Variants in ANXA10 observed in about 807,000 individuals in gnomAD.
ANXA10 encodes the protein annexin A10.
Under a neutral mutation model 53.5 loss-of-function variants are expected in ANXA10, and 49 were observed. The observed-to-expected ratio is 0.92, with a 90% CI of 0.73 to 1.16. The LOEUF (loss-of-function observed/expected upper bound fraction) is 1.16. ANXA10 is among the 50% of genes most tolerant of loss of function. The pLI, the probability that ANXA10 is intolerant of heterozygous loss-of-function variation, is 0.00. For synonymous variants in ANXA10, 131 were observed against 128.9 expected, an observed-to-expected ratio of 1.02 and a Z score of -0.11; for missense variants, 393 against 394.4, an observed-to-expected ratio of 1.00 and a Z score of 0.03.
At position 168,166,199 on chromosome 4, in the gene ANXA10, T is replaced by C. The variant is rs111226967; in HGVS notation, c.480+873T>C. ...TATGATTGTCTGAAGAGCTAATAAG[T>C]AGAAATCCAGAATTTGATTGAATGC... On this transcript the variant is annotated intron_variant, in intron 6 of 11. Coordinates refer to ENST00000359299, the MANE Select transcript of ANXA10 (RefSeq NM_007193.5). 6.4e-3 allele frequency among the ~76,000 whole-genome samples: 974 copies of C among 152,260 alleles called. 8 individuals carry two copies. The highest frequency in any genetic ancestry group is 0.037 in the Middle Eastern group (11 of 294).
chr4:168,107,258 G>A (rs1393649954), intron 1 of ANXA10, among the ~76,000 whole-genome samples: 1 of 152,130 alleles, frequency 6.6e-6, no homozygotes, highest in Non-Finnish European at 1.5e-5. Context: ...ATAAAAGGGG[G>A]CAACAGAGTA....
At chr4:168,119,252 G>C (rs1304916295) in intron 1 of ANXA10, among the ~76,000 whole-genome samples, 2 of 152,124 alleles carry the variant, frequency 1.3e-5, no homozygotes, top group Admixed American at 1.3e-4. Context: ...CAGGAAATGA[G>C]GTGGAACCTC....
intron 2 of ANXA10, among the ~76,000 whole-genome samples, chr4:168,135,886 C>A (rs140249521): frequency 1.6e-3 from 238 of 152,264 alleles, no homozygotes; most frequent in African/African-American, 5.2e-3. Context: ...CTACCTGAGA[C>A]TACATAATTT....
intron 3 of ANXA10, among the ~76,000 whole-genome samples, chr4:168,151,183 A>C (rs1731490176): frequency 6.6e-6 from 1 of 152,186 alleles, no homozygotes; most frequent in Non-Finnish European, 1.5e-5. Flanking sequence ...AATTAAGATA[A>C]ATTCTAAATT....
At chr4:168,144,344 G>A (rs1314998774) in intron 3 of ANXA10, among the ~76,000 whole-genome samples, 2 of 152,008 alleles carry the variant, frequency 1.3e-5, no homozygotes, top group South Asian at 2.1e-4. Flanking sequence ...GTGCAACCAC[G>A]CCCAGCTAAT....
chr4:168,110,348 T>C (rs1730788075), intron 1 of ANXA10, among the ~76,000 whole-genome samples: 1 of 152,150 alleles, frequency 6.6e-6, no homozygotes, highest in South Asian at 2.1e-4. Context: ...GGTTTAGTTA[T>C]AGCTAGATGT....
chr4:168,163,743 C>G (rs1331239665), intron 4 of ANXA10, among the ~76,000 whole-genome samples: 3 of 152,090 alleles, frequency 2.0e-5, no homozygotes, highest in Non-Finnish European at 4.4e-5. Flanking sequence ...AATATTTATG[C>G]AAATTGTACA....
At chr4:168,125,259 A>T (rs1731050077) in intron 1 of ANXA10, among the ~76,000 whole-genome samples, 1 of 152,156 alleles carries the variant, frequency 6.6e-6, no homozygotes, top group Admixed American at 6.5e-5. Flanking sequence ...CATGAACGGA[A>T]ATCCTAAGAT....
At position 168,187,667 on chromosome 4, in the gene ANXA10, G is replaced by A. The variant is rs1049045807; in HGVS notation, c.*233G>A. ...TATCTAATCAGCAATTAAATAAATTGTGCATGATGGAATAATAGAAAAATT... is the reference window on the plus strand; with the variant it reads ...TATCTAATCAGCAATTAAATAAATTATGCATGATGGAATAATAGAAAAATT... On this transcript the variant is annotated 3_prime_UTR_variant, in exon 12 of 12. Coordinates refer to ENST00000359299, the MANE Select transcript of ANXA10 (RefSeq NM_007193.5). 2.2e-5 allele frequency: 7 copies of A among 324,994 alleles called. No individual in the cohort carries two copies. Among genetic ancestry groups the A allele is most frequent in the Admixed American group, 9.8e-5 (2 of 20,448 alleles). The allele number at this position is 324,994 out of a possible 1,614,324, so 20.1% of individuals were successfully genotyped here. A position where few individuals can be genotyped will look rare whatever the true frequency, so the allele number is the denominator to read the frequency against.
chr4:168,136,075 C>A (rs748334086), intron 2 of ANXA10, among the ~76,000 whole-genome samples: 3 of 152,040 alleles, frequency 2.0e-5, no homozygotes, highest in Non-Finnish European at 4.4e-5. Flanking sequence ...TTTAAACAAC[C>A]AGATCTCATG....
chr4:168,128,004 A>T, intron 1 of ANXA10, 80 bp from the exon 2 acceptor site: 8 of 1,279,160 alleles, frequency 6.3e-6, no homozygotes, highest in Non-Finnish European at 5.7e-6. Context: ...GATTACAGGT[A>T]TGAGCCACTG....
At chr4:168,127,255 A>C (rs1731083999) in intron 1 of ANXA10, among the ~76,000 whole-genome samples, 1 of 152,182 alleles carries the variant, frequency 6.6e-6, no homozygotes, top group Admixed American at 6.5e-5. Context: ...CTACCATTTT[A>C]TAATTGTCAA....
intron 3 of ANXA10, among the ~76,000 whole-genome samples, chr4:168,161,466 T>C (rs973498138): frequency 6.6e-6 from 1 of 152,188 alleles, no homozygotes; most frequent in Non-Finnish European, 1.5e-5. Flanking sequence ...ACTGTAGCCT[T>C]GTATTATAGT....
At chr4:168,095,470 A>C (rs1197181870) in intron 1 of ANXA10, among the ~76,000 whole-genome samples, 1 of 152,016 alleles carries the variant, frequency 6.6e-6, no homozygotes, top group Non-Finnish European at 1.5e-5. Context: ...TTGATATCAT[A>C]TTTCTTACCT....
rs981006548 is a variant in ANXA10 at position 168,187,533 on chromosome 4, A to G, written c.*99A>G. On this transcript the variant is annotated 3_prime_UTR_variant, in exon 12 of 12. Coordinates refer to ENST00000359299, the MANE Select transcript of ANXA10 (RefSeq NM_007193.5). ...TACTGTTCATGGCACTATTAACAAA[A>G]CTATACAATCATATTTTCTCTTCTA... 2 of 651,244 alleles carry G rather than the reference A, an allele frequency of 3.1e-6. No individual in the cohort carries two copies. The highest frequency in any genetic ancestry group is 4.9e-6 in the Non-Finnish European group (2 of 405,690). 40.3% of individuals were successfully genotyped at this position (651,244 alleles called of 1,614,324 possible).
intron 6 of ANXA10, among the ~76,000 whole-genome samples, chr4:168,171,001 C>A (rs1190144272): frequency 1.3e-5 from 2 of 152,098 alleles, no homozygotes; most frequent in African/African-American, 4.8e-5. Flanking sequence ...TTTCTATTGG[C>A]TTCTCACTTC....
intron 1 of ANXA10, among the ~76,000 whole-genome samples, chr4:168,122,249 T>A (rs2149468627): frequency 6.6e-6 from 1 of 152,344 alleles, no homozygotes; most frequent in Non-Finnish European, 1.5e-5. Context: ...TAATATTGTT[T>A]CTAAACCTCC....
At chr4:168,184,484 G>C in intron 10 of ANXA10, 75 bp from the exon 11 acceptor site, 2 of 1,526,434 alleles carry the variant, frequency 1.3e-6, no homozygotes, top group Non-Finnish European at 1.8e-6. Context: ...TACAGAAAAG[G>C]GGTGTGTCCA....
At chr4:168,157,866 C>T (rs12651111) in intron 3 of ANXA10, among the ~76,000 whole-genome samples, 76,522 of 151,918 alleles carry the variant, frequency 0.5, 19,683 homozygotes, top group Non-Finnish European at 0.53. Flanking sequence ...TGTTGATGGA[C>T]ATTCATTTTC....
Sources: gnomAD v4.1 joint callset for allele counts (sites outside exome capture counted in the v4.1 genomes callset) on GRCh38, gnomAD v4.1.1 for gene constraint, MANE v1.5 for transcripts, NCBI Gene and HGNC (gene_info 2026-07-23, HGNC 2026-07-21) for gene names.